The following C16orf54 variants were observed in gnomAD, a reference collection of about 807,000 sequenced individuals.
C16orf54 encodes transmembrane protein C16orf54.
C16orf54 carries 2 observed loss-of-function variants against 3.9 expected under a neutral mutation model. The observed-to-expected ratio is 0.52, with a 90% CI of 0.21 to 1.63. The LOEUF is 1.63. C16orf54 is among the 40% of genes most tolerant of loss of function. The pLI is 0.21. For synonymous variants in C16orf54, 128 were observed against 135.1 expected, an observed-to-expected ratio of 0.95 and a Z score of 0.37; for missense variants, 272 against 326.3, an observed-to-expected ratio of 0.83 and a Z score of 1.28.
chr16:29,744,597 C>T lies in C16orf54; in HGVS notation c.355G>A (p.Ala119Thr), dbSNP rs768920094. ...EPPTQVGTLE[A>T]RATAPPAPSA... The stretch of plus-strand genomic sequence containing the variant: ...GGGGCAGGTGGGGCTGTTGCTCGGG[C>T]CTCCAAAGTGCCCACCTGGGTGGGA... The change falls in exon 2 of 2, where the codon GCC (alanine) becomes ACC (threonine). Residue 119 changes from alanine to threonine, a missense_variant. Physicochemically the swap from Ala to Thr is moderately conservative, Grantham distance 58 (BLOSUM62 0). Transcript: ENST00000329410. The surrounding 1 kb of genome is among the most constrained non-coding windows in gnomAD (Gnocchi z 7.1). 1 of 1,465,596 alleles carries T rather than the reference C, an allele frequency of 6.8e-7. No individual in the cohort carries two copies. Among genetic ancestry groups the T allele is most frequent in the Non-Finnish European group, 9.0e-7 (1 of 1,109,338 alleles). 90.8% of individuals were successfully genotyped at this position (1,465,596 alleles called of 1,614,324 possible).
At position 29,744,428 on chromosome 16, in the gene C16orf54, C is replaced by G. The variant is rs761730713; in HGVS notation, c.524G>C (p.Arg175Thr). The G allele has an allele frequency of 1.3e-6, 2 of 1,575,594 alleles. No individual in the cohort carries two copies. The highest frequency in any genetic ancestry group is 2.7e-5 in the African/African-American group (2 of 74,204). The part of the protein sequence containing the change: ...GLVSWAEPEQ[R>T]PEASVQFGSP... Reference sequence around the variant, plus strand: ...CCCAAACTGGACGCTGGCCTCTGGCCTCTGCTCGGGTTCAGCCCAGCTCAC... The same window carrying G: ...CCCAAACTGGACGCTGGCCTCTGGCGTCTGCTCGGGTTCAGCCCAGCTCAC... Residue 175 changes from arginine (R) to threonine (T), a missense_variant, in exon 2 of 2, where the codon AGG (arginine) becomes ACG (threonine). By Grantham distance (71) the Arg-to-Thr change is moderately conservative. Transcript: ENST00000329410. The surrounding 1 kb of genome is among the most constrained non-coding windows in gnomAD (Gnocchi z 7.1).
chr16:29,744,466 G>C lies in C16orf54; in HGVS notation c.486C>G (p.Pro162=). 6.4e-7 allele frequency: 1 copy of C among 1,551,568 alleles called. No individual in the cohort carries two copies. The highest frequency in any genetic ancestry group is 8.7e-7 in the Non-Finnish European group (1 of 1,147,724). Residue 162 remains proline, a synonymous_variant, in exon 2 of 2, where the codon CCC becomes CCG. Coordinates refer to ENST00000329410, the MANE Select transcript of C16orf54 (RefSeq NM_175900.4). This position sits in a 1 kb window ranked among gnomAD's most constrained non-coding sequence, Gnocchi z 7.1. ...CAGCCCAGCTCACCAGGCCTGTGGCGGGGGGCCTCCCCTCCCAGGGCTGGG... is the reference window on the plus strand; with the variant it reads ...CAGCCCAGCTCACCAGGCCTGTGGCCGGGGGCCTCCCCTCCCAGGGCTGGG... ...WGPQPWEGRP[P]ATGLVSWAEP...
At position 29,744,806 on chromosome 16, in the gene C16orf54, GT is replaced by G; in HGVS notation, c.145del (p.Thr49ProfsTer55). 1 of 1,473,882 alleles carries G rather than the reference GT, an allele frequency of 6.8e-7. No individual in the cohort carries two copies. Among genetic ancestry groups the G allele is most frequent in the Non-Finnish European group, 9.0e-7 (1 of 1,116,468 alleles). The allele number at this position is 1,473,882 out of a possible 1,614,324, so 91.3% of individuals were successfully genotyped here. On this transcript the variant is annotated frameshift_variant, in exon 2 of 2. Coordinates refer to ENST00000329410, the MANE Select transcript of C16orf54 (RefSeq NM_175900.4). LOFTEE classifies it low-confidence loss of function (END_TRUNC). This position sits in a 1 kb window ranked among gnomAD's most constrained non-coding sequence, Gnocchi z 7.1. ...GAACAGGCGTTCAGCCAACACAGCG[GT>G]GGTGAGGATGAAGAGCGCAGCCAGG... ...ATLAALFILT[T>X]AVLAERLFRR...
Position 29,744,215 on chromosome 16 carries a change from T to C in C16orf54, c.*62A>G, listed in dbSNP as rs774723249. ...CAGTCTCAATCCTAATGCTGGATCC[T>C]GGGGTCCCCGGTCCCACTGAGGCAA... On this transcript the variant is annotated 3_prime_UTR_variant, in exon 2 of 2. Transcript: ENST00000329410. This position sits in a 1 kb window ranked among gnomAD's most constrained non-coding sequence, Gnocchi z 7.1. 1.7e-5 allele frequency: 24 copies of C among 1,440,048 alleles called. No homozygotes were observed. Among genetic ancestry groups the C allele is most frequent in the African/African-American group, 1.5e-4 (11 of 71,096 alleles). 89.2% of individuals were successfully genotyped at this position (1,440,048 alleles called of 1,614,324 possible).
chr16:29,744,266 A>G lies in C16orf54; in HGVS notation c.*11T>C, dbSNP rs1272622469. The G allele has an allele frequency of 3.1e-6, 5 of 1,610,614 alleles. No homozygotes were observed. Among genetic ancestry groups the G allele is most frequent in the African/African-American group, 1.3e-5 (1 of 74,890 alleles). On this transcript the variant is annotated 3_prime_UTR_variant, in exon 2 of 2. Transcript: ENST00000329410. The surrounding 1 kb of genome is among the most constrained non-coding windows in gnomAD (Gnocchi z 7.1). Reference sequence around the variant, plus strand: ...GGCCTGCCTCGGGGATCTCTGGGGAACCCTGGGGATTCAGAACCCCACACT... The same window carrying G: ...GGCCTGCCTCGGGGATCTCTGGGGAGCCCTGGGGATTCAGAACCCCACACT...
Position 29,744,891 on chromosome 16 carries a change from C to T in C16orf54, c.61G>A (p.Ala21Thr). 3 of 1,470,216 alleles carry T rather than the reference C, an allele frequency of 2.0e-6. No homozygotes were observed. Among genetic ancestry groups the T allele is most frequent in the Non-Finnish European group, 2.7e-6 (3 of 1,114,282 alleles). The allele number at this position is 1,470,216 out of a possible 1,614,324, so 91.1% of individuals were successfully genotyped here. The change falls in exon 2 of 2, where the codon GCC becomes ACC. Residue 21 changes from alanine (A) to threonine (T), a missense_variant. Coordinates refer to ENST00000329410, the MANE Select transcript of C16orf54 (RefSeq NM_175900.4). This position sits in a 1 kb window ranked among gnomAD's most constrained non-coding sequence, Gnocchi z 7.1. ...RVEGPPAWEA[A>T]PWPSLPCGPC... is the part of the protein sequence containing the mutation. ...CCACAGGGCAGTGAGGGCCATGGGG[C>T]TGCTTCCCATGCGGGGGGCCCCTCC...
chr16:29,745,323 C>T (rs1474821199), intron 1 of C16orf54: 1 of 217,166 alleles, frequency 4.6e-6, no homozygotes, highest in Non-Finnish European at 9.0e-6. Flanking sequence ...TAGAGCAAGA[C>T]CCTTTCTCAA....
In C16orf54 at chr16:29,744,041, G is replaced by A. The variant is rs1968102380; in HGVS notation, c.*236C>T. On this transcript the variant is annotated 3_prime_UTR_variant, in exon 2 of 2. Coordinates refer to ENST00000329410, the MANE Select transcript of C16orf54 (RefSeq NM_175900.4). This position sits in a 1 kb window ranked among gnomAD's most constrained non-coding sequence, Gnocchi z 7.1. The stretch of plus-strand genomic sequence containing the variant: ...CTTGAAGGCTTCTGGCCTGGCATTG[G>A]CTCCACCCCCAGGTCTCTGAGCCAC... 1.7e-6 allele frequency: 1 copy of A among 581,132 alleles called. No homozygotes were observed. Among genetic ancestry groups the A allele is most frequent in the Non-Finnish European group, 3.0e-6 (1 of 330,688 alleles). The allele number at this position is 581,132 out of a possible 1,614,324, so 36.0% of individuals were successfully genotyped here. A position where few individuals can be genotyped will look rare whatever the true frequency, so the allele number is the denominator to read the frequency against.
In C16orf54 at chr16:29,744,400, G is replaced by A. The variant is rs1968108419; in HGVS notation, c.552C>T (p.Ser184=). ...CTGGCCGCTGCCTCCTGGCCTGGGG[G>A]CTCCCAAACTGGACGCTGGCCTCTG... The part of the protein sequence containing the change: ...QRPEASVQFG[S]PQARRQRPGS... Residue 184 remains serine, a synonymous_variant, in exon 2 of 2, where the codon AGC becomes AGT. Transcript: ENST00000329410. This position sits in a 1 kb window ranked among gnomAD's most constrained non-coding sequence, Gnocchi z 7.1. 1 of 1,602,196 alleles carries A rather than the reference G, an allele frequency of 6.2e-7. No individual in the cohort carries two copies.
At chr16:29,745,244 A>T (rs1015819129) in intron 1 of C16orf54, 5 of 348,178 alleles carry the variant, frequency 1.4e-5, no homozygotes, top group Non-Finnish European at 2.6e-5. Context: ...AGGTGGGAGG[A>T]TTACTTGAGC....
rs9940387 is a variant in C16orf54, at chr16:29,743,668, C to T, written c.*609G>A. On this transcript the variant is annotated 3_prime_UTR_variant, in exon 2 of 2. Coordinates refer to ENST00000329410, the MANE Select transcript of C16orf54 (RefSeq NM_175900.4). ...CTAGGTCCCCACTCCAGCAAGACAG[C>T]GCCGCTGCAGCTTGGCCCAGCAAGT... 0.11 allele frequency: 16,289 copies of T among 152,684 alleles called. 2,875 individuals carry two copies. The highest frequency in any genetic ancestry group is 0.37 in the African/African-American group (15,269 of 41,454). 9.5% of individuals were successfully genotyped at this position (152,684 alleles called of 1,614,324 possible).
At position 29,744,050 on chromosome 16, in the gene C16orf54, C is replaced by T. The variant is rs1567343522; in HGVS notation, c.*227G>A. On this transcript the variant is annotated 3_prime_UTR_variant, in exon 2 of 2. Transcript: ENST00000329410. This position sits in a 1 kb window ranked among gnomAD's most constrained non-coding sequence, Gnocchi z 7.1. ...TTCTGGCCTGGCATTGGCTCCACCC[C>T]CAGGTCTCTGAGCCACAGCCCAGGT... The T allele has an allele frequency of 5.1e-6, 3 of 590,376 alleles. No individual in the cohort carries two copies. Among genetic ancestry groups the T allele is most frequent in the Non-Finnish European group, 8.9e-6 (3 of 335,730 alleles). The allele number at this position is 590,376 out of a possible 1,614,324, so 36.6% of individuals were successfully genotyped here.
chr16:29,744,080 G>A lies in C16orf54; in HGVS notation c.*197C>T. ...TCTCTGAGCCACAGCCCAGGTAGCT[G>A]AGCAGAGGCACTGCTGGGCTTCCCC... On this transcript the variant is annotated 3_prime_UTR_variant, in exon 2 of 2. Transcript: ENST00000329410. The surrounding 1 kb of genome is among the most constrained non-coding windows in gnomAD (Gnocchi z 7.1). 1.6e-6 allele frequency: 1 copy of A among 620,744 alleles called. No homozygotes were observed. The highest frequency in any genetic ancestry group is 2.0e-5 in the South Asian group (1 of 49,282). 38.5% of individuals were successfully genotyped at this position (620,744 alleles called of 1,614,324 possible).
In C16orf54 at chr16:29,744,000, T is replaced by A. The variant is rs1968101982; in HGVS notation, c.*277A>T. ...CCTGACTATCTAGTACCTTGGGTTC[T>A]TCATCTGGATGCGATCTTGAAGGCT... On this transcript the variant is annotated 3_prime_UTR_variant, in exon 2 of 2. Coordinates refer to ENST00000329410, the MANE Select transcript of C16orf54 (RefSeq NM_175900.4). The A allele has an allele frequency of 1.9e-6, 1 of 537,822 alleles. No homozygotes were observed. Among genetic ancestry groups the A allele is most frequent in the South Asian group, 2.4e-5 (1 of 41,520 alleles). The allele number at this position is 537,822 out of a possible 1,614,324, so 33.3% of individuals were successfully genotyped here. A position where few individuals can be genotyped will look rare whatever the true frequency, so the allele number is the denominator to read the frequency against.
intron 1 of C16orf54, chr16:29,745,290 C>T: frequency 3.6e-6 from 1 of 279,178 alleles, no homozygotes; most frequent in East Asian, 6.2e-5. Flanking sequence ...CCAGATTGCA[C>T]CACTGTCCTC....
Position 29,744,749 on chromosome 16 carries a change from C to A in C16orf54, c.203G>T (p.Arg68Leu). 1 of 1,461,312 alleles carries A rather than the reference C, an allele frequency of 6.8e-7. No individual in the cohort carries two copies. Among genetic ancestry groups the A allele is most frequent in the Non-Finnish European group, 9.0e-7 (1 of 1,107,954 alleles). The allele number at this position is 1,461,312 out of a possible 1,614,324, so 90.5% of individuals were successfully genotyped here. The change falls in exon 2 of 2, where the codon CGT becomes CTT. Residue 68 changes from arginine (R) to leucine (L), a missense_variant. By Grantham distance (102) the Arg-to-Leu change is moderately radical. Coordinates refer to ENST00000329410, the MANE Select transcript of C16orf54 (RefSeq NM_175900.4). This position sits in a 1 kb window ranked among gnomAD's most constrained non-coding sequence, Gnocchi z 7.1. ...RRALRPDPSHRAPTLVWRPGG... is the reference protein window; with the variant it reads ...RRALRPDPSHLAPTLVWRPGG... ...TGGGCGCCACACCAGGGTGGGTGCACGGTGGCTGGGGTCTGGGCGGAGAGC... is the reference window on the plus strand; with the variant it reads ...TGGGCGCCACACCAGGGTGGGTGCAAGGTGGCTGGGGTCTGGGCGGAGAGC...
In C16orf54 at chr16:29,744,415, G is replaced by T; in HGVS notation, c.537C>A (p.Ser179Arg). Residue 179 changes from serine to arginine, a missense_variant, in exon 2 of 2, where the codon AGC becomes AGA. Transcript: ENST00000329410. The surrounding 1 kb of genome is among the most constrained non-coding windows in gnomAD (Gnocchi z 7.1). ...TGGCCTGGGGGCTCCCAAACTGGACGCTGGCCTCTGGCCTCTGCTCGGGTT... is the reference window on the plus strand; with the variant it reads ...TGGCCTGGGGGCTCCCAAACTGGACTCTGGCCTCTGGCCTCTGCTCGGGTT... ...WAEPEQRPEA[S>R]VQFGSPQARR... 2 of 1,589,070 alleles carry T rather than the reference G, an allele frequency of 1.3e-6. No homozygotes were observed. The highest frequency in any genetic ancestry group is 1.7e-6 in the Non-Finnish European group (2 of 1,168,910).
At position 29,743,106 on chromosome 16, in the gene C16orf54, G is replaced by C. The variant is rs1326840419; in HGVS notation, c.*1171C>G. The C allele has an allele frequency of 1.3e-5, 2 of 151,730 alleles. No homozygotes were observed. Among genetic ancestry groups the C allele is most frequent in the Non-Finnish European group, 2.9e-5 (2 of 67,964 alleles). 9.4% of individuals were successfully genotyped at this position (151,730 alleles called of 1,614,324 possible). On this transcript the variant is annotated 3_prime_UTR_variant, in exon 2 of 2. Transcript: ENST00000329410. ...TACAAAAAAAATACAAAAATTAGCT[G>C]GGCGTGGTGGTATGCACCTGCAGTC... is the stretch of plus-strand genomic sequence containing the variant.
rs1184650854 is a variant in C16orf54 at position 29,743,418 on chromosome 16, T to G, written c.*859A>C. ...GAGCATTATAAGTAAGCCTAGCTTG[T>G]GGCAAATCTGTCTCTCTGGACACTC... On this transcript the variant is annotated 3_prime_UTR_variant, in exon 2 of 2. Transcript: ENST00000329410. The G allele has an allele frequency of 6.6e-6, 1 of 152,202 alleles. No homozygotes were observed. The highest frequency in any genetic ancestry group is 2.1e-4 in the South Asian group (1 of 4,838). 9.4% of individuals were successfully genotyped at this position (152,202 alleles called of 1,614,324 possible). A position where few individuals can be genotyped will look rare whatever the true frequency, so the allele number is the denominator to read the frequency against.
Sources: gnomAD v4.1 joint callset for allele counts on GRCh38, gnomAD v4.1.1 for gene constraint, Gnocchi (gnomAD v3.1) non-coding constraint, MANE v1.5 for transcripts, NCBI Gene and HGNC (gene_info 2026-07-23, HGNC 2026-07-21) for gene names.